Variants in THOP1 observed in about 807,000 individuals in gnomAD.
THOP1 encodes the protein thimet oligopeptidase.
In THOP1, 49 loss-of-function variants were observed where a neutral mutation model predicts 71.8. The ratio of observed to expected loss-of-function variants is 0.68; its 90% CI spans 0.54 to 0.87. The LOEUF is 0.87. THOP1 is among the 40% of genes least tolerant of loss of function. The pLI, the probability that THOP1 is intolerant of heterozygous loss-of-function variation, is 0.00. For synonymous variants in THOP1, 426 were observed against 421.5 expected, an observed-to-expected ratio of 1.01 and a Z score of -0.13; for missense variants, 843 against 975.6, an observed-to-expected ratio of 0.86 and a Z score of 1.81.
intron 5 of THOP1, among the ~76,000 whole-genome samples, chr19:2,800,644 A>T (rs1916123517): frequency 6.6e-6 from 1 of 152,136 alleles, no homozygotes. Flanking sequence ...CTGAGGGAAC[A>T]CTCGCAGGTC....
intron 5 of THOP1, among the ~76,000 whole-genome samples, chr19:2,803,431 C>T (rs759192261): frequency 3.3e-5 from 5 of 152,180 alleles, no homozygotes; most frequent in South Asian, 2.1e-4. Context: ...ACTATGCATT[C>T]GTGAACTATC....
At chr19:2,810,888 C>G in intron 11 of THOP1, 120 bp downstream of exon 11, 1 of 1,420,424 alleles carries the variant, frequency 7.0e-7, no homozygotes, top group Non-Finnish European at 9.3e-7. Context: ...TGCTGGGGAG[C>G]CACGGAGCGC....
chr19:2,787,892 G>A (rs1416474589), intron 1 of THOP1, among the ~76,000 whole-genome samples: 1 of 152,230 alleles, frequency 6.6e-6, no homozygotes, highest in Non-Finnish European at 1.5e-5. Context: ...AGTGCAGACA[G>A]AGAGACACCC....
chr19:2,812,987 C>A (rs1002133579), intron 12 of THOP1, 128 bp from the exon 13 acceptor site: 1 of 1,171,614 alleles, frequency 8.5e-7, no homozygotes, highest in Admixed American at 2.9e-5. Context: ...AGGCGGCCCC[C>A]GGGCCTCCCT....
intron 5 of THOP1, among the ~76,000 whole-genome samples, chr19:2,800,993 T>C (rs192255990): frequency 1.9e-4 from 29 of 152,332 alleles, no homozygotes; most frequent in Admixed American, 1.6e-3. Flanking sequence ...AAACAAAAGC[T>C]TCTCATTGCA....
chr19:2,795,593 T>C (rs1915994262), intron 3 of THOP1, among the ~76,000 whole-genome samples: 1 of 152,156 alleles, frequency 6.6e-6, no homozygotes, highest in Admixed American at 6.5e-5. Context: ...TTCTTTTTAT[T>C]TAAATACAGA....
At chr19:2,785,704 C>G in intron 1 of THOP1, 26 bp downstream of exon 1, 1 of 1,432,198 alleles carries the variant, frequency 7.0e-7, no homozygotes, top group East Asian at 2.8e-5. Context: ...CTCGCCGGAC[C>G]CGGGCGTCCC....
chr19:2,804,615 C>G lies in THOP1; in HGVS notation c.590-401C>G, dbSNP rs779156314. On this transcript the variant is annotated intron_variant, in intron 5 of 12. Coordinates refer to ENST00000307741, the MANE Select transcript of THOP1 (RefSeq NM_003249.5). The surrounding 1 kb of genome is among the most constrained non-coding windows in gnomAD (Gnocchi z 4.7). ...AACGCTGGTTTCCTTGTGCAGTGGC[C>G]GGGCCACCCTTCCCGCCACCCTCCT... is the stretch of plus-strand genomic sequence containing the variant. The G allele has an allele frequency of 5.9e-6, 1 of 169,518 alleles. No homozygotes were observed. Among genetic ancestry groups the G allele is most frequent in the Non-Finnish European group, 1.3e-5 (1 of 79,952 alleles). The allele number at this position is 169,518 out of a possible 1,614,324, so 10.5% of individuals were successfully genotyped here. A position where few individuals can be genotyped will look rare whatever the true frequency, so the allele number is the denominator to read the frequency against.
At chr19:2,795,251 C>T (rs552613540) in intron 3 of THOP1, among the ~76,000 whole-genome samples, 2 of 152,336 alleles carry the variant, frequency 1.3e-5, no homozygotes, top group East Asian at 1.9e-4. Context: ...TGAGCCACCA[C>T]GCCCGGCCAC....
Position 2,811,177 on chromosome 19 carries a change from G to A in THOP1, c.1771+409G>A, listed in dbSNP as rs546621191. Among the ~76,000 whole-genome samples the A allele has an allele frequency of 2.6e-5, 4 of 152,374 alleles. No individual in the cohort carries two copies. In the South Asian group the frequency reaches 8.3e-4, roughly 32 times the overall value. On this transcript the variant is annotated intron_variant, in intron 11 of 12. Transcript: ENST00000307741. ...TGTGCATGTGTGTTCACACACGCTT[G>A]CGAGGATCCAGAATTTGGAAATACA...
At chr19:2,794,162 G>A (rs1018905529) in intron 2 of THOP1, among the ~76,000 whole-genome samples, 7 of 151,844 alleles carry the variant, frequency 4.6e-5, no homozygotes, top group East Asian at 3.9e-4. Flanking sequence ...TTACAGGCAC[G>A]CGCCACCACG....
At chr19:2,798,198 T>G (rs895289977) in intron 4 of THOP1, among the ~76,000 whole-genome samples, 2 of 152,036 alleles carry the variant, frequency 1.3e-5, no homozygotes, top group African/African-American at 4.8e-5. Context: ...CTGGCTAATT[T>G]TTTTTTATTT....
intron 12 of THOP1, 48 bp downstream of exon 12, chr19:2,811,782 G>A (rs371326230): frequency 7.0e-6 from 11 of 1,564,996 alleles, no homozygotes; most frequent in East Asian, 2.3e-5. Flanking sequence ...GGCAAGGTAC[G>A]CGGGGACTGG....
intron 12 of THOP1, chr19:2,812,124 G>A: frequency 7.0e-7 from 1 of 1,423,894 alleles, no homozygotes; most frequent in Non-Finnish European, 9.2e-7. Flanking sequence ...ATCGGCCTCA[G>A]AGCCATGGGC....
chr19:2,808,318 C>T lies in THOP1; in HGVS notation c.1329C>T (p.Ile443=), dbSNP rs143126538. 50 of 1,588,632 alleles carry T rather than the reference C, an allele frequency of 3.1e-5. No individual in the cohort carries two copies. The highest frequency in any genetic ancestry group is 1.7e-4 in the Middle Eastern group (1 of 6,056). ...GCLRQDGSRQ[I]AIAAMVANFT... ...TGCGGCAGGATGGGAGCCGCCAGAT[C>T]GCCATCGCGGCCATGGTGGCCAACT... is the stretch of plus-strand genomic sequence containing the variant. The change falls in exon 9 of 13, where the codon ATC becomes ATT. Residue 443 remains isoleucine (I), a synonymous_variant. Transcript: ENST00000307741.
At chr19:2,798,494 G>A (rs373857516) in intron 4 of THOP1, among the ~76,000 whole-genome samples, 36 of 152,226 alleles carry the variant, frequency 2.4e-4, no homozygotes, top group Non-Finnish European at 4.8e-4. Context: ...GGATGCTGGC[G>A]AGCAGAGTTC....
At position 2,813,252 on chromosome 19, in the gene THOP1, C is replaced by T. The variant is rs761684782; in HGVS notation, c.2046C>T (p.Cys682=). The T allele has an allele frequency of 9.9e-6, 16 of 1,608,510 alleles. No homozygotes were observed. The highest frequency in any genetic ancestry group is 6.7e-5 in the Admixed American group (4 of 59,776). The part of the protein sequence containing the change: ...LLSKGLQVGG[C]EPEPQVC ...GCAAGGGGCTGCAGGTCGGGGGCTGCGAGCCCGAGCCGCAGGTCTGCTGAG... is the reference window on the plus strand; with the variant it reads ...GCAAGGGGCTGCAGGTCGGGGGCTGTGAGCCCGAGCCGCAGGTCTGCTGAG... The change falls in exon 13 of 13, where the codon TGC becomes TGT. Residue 682 remains cysteine, a synonymous_variant. Coordinates refer to ENST00000307741, the MANE Select transcript of THOP1 (RefSeq NM_003249.5).
At chr19:2,802,375 A>C (rs1275707269) in intron 5 of THOP1, among the ~76,000 whole-genome samples, 3 of 82,156 alleles carry the variant, frequency 3.7e-5, no homozygotes, top group Admixed American at 1.3e-4. Context: ...ACTTCCCCAC[A>C]CCCCCACCTC....
intron 1 of THOP1, among the ~76,000 whole-genome samples, chr19:2,787,905 G>A (rs1011572593): frequency 6.6e-6 from 1 of 152,196 alleles, no homozygotes; most frequent in Admixed American, 6.5e-5. Flanking sequence ...AGACACCCTG[G>A]TGCGTATTCC....
Sources: gnomAD v4.1 joint callset for allele counts (sites outside exome capture counted in the v4.1 genomes callset) on GRCh38, gnomAD v4.1.1 for gene constraint, Gnocchi (gnomAD v3.1) non-coding constraint, MANE v1.5 for transcripts, NCBI Gene and HGNC (gene_info 2026-07-23, HGNC 2026-07-21) for gene names.